Variants in POLQ observed in about 807,000 individuals in gnomAD.
POLQ encodes epididymis secretory sperm binding protein.
POLQ carries 233 observed loss-of-function variants against 259.2 expected under a neutral mutation model. The observed-to-expected ratio is 0.90, with a 90% CI of 0.81 to 1.00. POLQ has a LOEUF of 1.00. Among genes scored for constraint, POLQ ranks in the 50% least tolerant of loss-of-function variants. The pLI, the probability that POLQ is intolerant of heterozygous loss-of-function variation, is 0.00. For synonymous variants in POLQ, 1,025 were observed against 1,048.8 expected, an observed-to-expected ratio of 0.98 and a Z score of 0.44; for missense variants, 2,871 against 3,051.6, an observed-to-expected ratio of 0.94 and a Z score of 1.39.
At chr3:121,499,833 T>A (rs1028642576) in intron 12 of POLQ, among the ~76,000 whole-genome samples, 5 of 151,994 alleles carry the variant, frequency 3.3e-5, no homozygotes, top group Non-Finnish European at 7.4e-5. Flanking sequence ...TTGAAATAAG[T>A]AAAGACTTCA....
At chr3:121,520,672 T>C (rs973191393) in intron 8 of POLQ, among the ~76,000 whole-genome samples, 7 of 152,322 alleles carry the variant, frequency 4.6e-5, no homozygotes, top group Admixed American at 1.3e-4. Flanking sequence ...ACCCTGCCAC[T>C]GTGACATGAA....
At chr3:121,467,459 C>T in intron 24 of POLQ, 60 bp downstream of exon 24, 1 of 1,558,692 alleles carries the variant, frequency 6.4e-7, no homozygotes, top group Non-Finnish European at 8.8e-7. Context: ...CAGGCTTTAT[C>T]CATGCTTTGA....
chr3:121,545,706 C>A lies in POLQ; in HGVS notation c.163+9G>T. The A allele has an allele frequency of 1.3e-6, 2 of 1,546,434 alleles. No individual in the cohort carries two copies. Among genetic ancestry groups the A allele is most frequent in the East Asian group, 4.8e-5 (2 of 41,258 alleles). ...CCGTTGCCCGCGGCCTCCCGGGTTC[C>A]TGGAGCACCTGCAGCTGCGGCCTTC... On this transcript the variant is annotated intron_variant, in intron 1 of 29. Coordinates refer to ENST00000264233, the MANE Select transcript of POLQ (RefSeq NM_199420.4).
intron 15 of POLQ, among the ~76,000 whole-genome samples, chr3:121,492,453 T>C (rs2048076358): frequency 6.6e-6 from 1 of 152,198 alleles, no homozygotes; most frequent in Non-Finnish European, 1.5e-5. Context: ...CAAATTGTTT[T>C]GAGGGACACT....
At chr3:121,481,514 G>A in intron 19 of POLQ, 58 bp downstream of exon 19, 12 of 1,448,976 alleles carry the variant, frequency 8.3e-6, no homozygotes, top group Non-Finnish European at 1.1e-5. Flanking sequence ...TTGATAAAGA[G>A]TGGCTAAATC....
intron 25 of POLQ, among the ~76,000 whole-genome samples, chr3:121,453,009 C>G (rs903561418): frequency 6.6e-6 from 1 of 152,188 alleles, no homozygotes; most frequent in African/African-American, 2.4e-5. Flanking sequence ...CAGACTGACA[C>G]CTCACACGGC....
At chr3:121,437,010 A>G (rs982009671) in intron 27 of POLQ, among the ~76,000 whole-genome samples, 1 of 152,110 alleles carries the variant, frequency 6.6e-6, no homozygotes, top group Non-Finnish European at 1.5e-5. Context: ...TAAGAAAATG[A>G]AAAAGGTCTA....
chr3:121,499,886 T>C (rs953113419), intron 12 of POLQ, among the ~76,000 whole-genome samples: 1 of 152,204 alleles, frequency 6.6e-6, no homozygotes, highest in Non-Finnish European at 1.5e-5. Flanking sequence ...ACAAAAACCA[T>C]GCTTGAAGTA....
At chr3:121,436,066 T>G (rs1241717981) in intron 28 of POLQ, 56 bp downstream of exon 28, 17 of 1,396,094 alleles carry the variant, frequency 1.2e-5, no homozygotes, top group Non-Finnish European at 1.2e-5. Context: ...CCCATTTACA[T>G]TTCTGATACA....
intron 17 of POLQ, 133 bp from the exon 18 acceptor site, chr3:121,483,715 T>C (rs914008405): frequency 1.8e-6 from 1 of 566,756 alleles, no homozygotes. Flanking sequence ...ATGTGACGAG[T>C]AATTCAGCAT....
At chr3:121,502,652 T>C (rs1020342622) in intron 12 of POLQ, among the ~76,000 whole-genome samples, 7 of 151,904 alleles carry the variant, frequency 4.6e-5, no homozygotes, top group East Asian at 3.9e-4. Context: ...TAGAAATAAA[T>C]GAAGAAAAAA....
intron 12 of POLQ, among the ~76,000 whole-genome samples, chr3:121,503,791 C>T (rs760556627): frequency 2.0e-5 from 3 of 152,086 alleles, no homozygotes; most frequent in South Asian, 2.1e-4. Context: ...ATAAATACTA[C>T]GTAAATAGCT....
At chr3:121,455,594 T>C (rs1380360865) in intron 25 of POLQ, among the ~76,000 whole-genome samples, 3 of 151,774 alleles carry the variant, frequency 2.0e-5, no homozygotes, top group Admixed American at 6.6e-5. Context: ...CATCAGAGAA[T>C]ACTACAAACA....
At chr3:121,501,783 C>A (rs954012114) in intron 12 of POLQ, among the ~76,000 whole-genome samples, 1 of 149,444 alleles carries the variant, frequency 6.7e-6, no homozygotes, top group Non-Finnish European at 1.5e-5. Flanking sequence ...GTCAGGAGTT[C>A]AAGACTAGCC....
At chr3:121,543,757 G>A (rs1046161127) in intron 2 of POLQ, among the ~76,000 whole-genome samples, 4 of 152,106 alleles carry the variant, frequency 2.6e-5, no homozygotes, top group African/African-American at 4.8e-5. Flanking sequence ...GCTGAGGTGC[G>A]TGGATCACCT....
chr3:121,440,054 T>C lies in POLQ; in HGVS notation c.7327A>G (p.Ile2443Val), dbSNP rs968934435. The C allele has an allele frequency of 6.2e-6, 10 of 1,611,854 alleles. No individual in the cohort carries two copies. The highest frequency in any genetic ancestry group is 8.5e-6 in the Non-Finnish European group (10 of 1,177,982). The stretch of plus-strand genomic sequence containing the variant: ...GGCAAATATCTACGCCTTCCCAAAA[T>C]GGTCTGAACAAATCCGTCTCTTTTA... ...NCKRDGFVQT[I>V]LGRRRYLPGI... The change falls in exon 27 of 30, where the codon ATT becomes GTT. Residue 2443 changes from isoleucine to valine, a missense_variant. Physicochemically the swap from Ile to Val is conservative, Grantham distance 29. This residue lies in a region of POLQ where 2,080 missense variants were observed against 2,126.0 expected (regional missense o/e 0.98). Transcript: ENST00000264233.
At chr3:121,495,912 T>C (rs891120073) in intron 14 of POLQ, among the ~76,000 whole-genome samples, 2 of 151,230 alleles carry the variant, frequency 1.3e-5, no homozygotes, top group African/African-American at 4.9e-5. Context: ...TCTTCTCATC[T>C]TCCCCGCAGT....
At chr3:121,526,948 G>A (rs1460329073) in intron 7 of POLQ, among the ~76,000 whole-genome samples, 1 of 152,100 alleles carries the variant, frequency 6.6e-6, no homozygotes, top group African/African-American at 2.4e-5. Flanking sequence ...CACCCAGACT[G>A]AGCTGAGCAC....
rs1418405080 is a variant in POLQ at position 121,467,370 on chromosome 3, T to A, written c.6967+149A>T. ...GATGATGACTGCTATAAACCTGGCA[T>A]GACAAAGGAGAAAGGCAGGCTCCAC... On this transcript the variant is annotated intron_variant, in intron 24 of 29. Coordinates refer to ENST00000264233, the MANE Select transcript of POLQ (RefSeq NM_199420.4). 5.6e-6 allele frequency: 4 copies of A among 719,092 alleles called. No individual in the cohort carries two copies. In the East Asian group the frequency reaches 8.2e-5, roughly 15 times the overall value. 44.5% of individuals were successfully genotyped at this position (719,092 alleles called of 1,614,324 possible). A position where few individuals can be genotyped will look rare whatever the true frequency, so the allele number is the denominator to read the frequency against.
Sources: gnomAD v4.1 joint callset for allele counts (sites outside exome capture counted in the v4.1 genomes callset) on GRCh38, gnomAD v4.1.1 for gene constraint, gnomAD v4.1.1 regional missense constraint, MANE v1.5 for transcripts, NCBI Gene and HGNC (gene_info 2026-07-23, HGNC 2026-07-21) for gene names.